Variants in ST18 observed in about 807,000 individuals in gnomAD.
The protein encoded by ST18 is ST18 C2H2C-type zinc finger transcription factor.
ST18 carries 50 observed loss-of-function variants against 110.0 expected under a neutral mutation model. That is an observed-to-expected ratio of 0.45 (90% CI 0.36 to 0.58). ST18 has a LOEUF of 0.58. Ranked by LOEUF, ST18 falls within the 20% of genes least tolerant of loss-of-function variation. ST18 has a pLI of 0.00. For synonymous variants in ST18, 461 were observed against 452.4 expected (o/e 1.02, Z -0.24); for missense variants, 1,306 against 1,280.1 (o/e 1.02, Z -0.31).
intron 2 of ST18, among the ~76,000 whole-genome samples, chr8:52,323,454 G>A (rs967218397): frequency 6.6e-6 from 1 of 152,072 alleles, no homozygotes; most frequent in African/African-American, 2.4e-5. Flanking sequence ...TTATTGTGGT[G>A]TCCAGCGTGC....
rs777126886 is a variant in ST18, at chr8:52,132,120, C to A, written c.2504G>T (p.Arg835Leu). The A allele has an allele frequency of 6.2e-7, 1 of 1,614,060 alleles. No individual in the cohort carries two copies. Among genetic ancestry groups the A allele is most frequent in the Non-Finnish European group, 8.5e-7 (1 of 1,180,034 alleles). The change falls in exon 22 of 26, where the codon CGC becomes CTC. Residue 835 changes from arginine (R) to leucine (L), a missense_variant. Transcript: ENST00000689386. Reference protein sequence around the residue: ...GHISGKYTSHRTASGCPLAAK... With the variant: ...GHISGKYTSHLTASGCPLAAK... The stretch of plus-strand genomic sequence containing the variant: ...AGCCAGAGGACAGCCAGAAGCTGTG[C>A]GGTGTGATGTGTATTTACCTGATAT...
chr8:52,243,782 C>G (rs1043078594), intron 2 of ST18, among the ~76,000 whole-genome samples: 1 of 152,116 alleles, frequency 6.6e-6, no homozygotes, highest in East Asian at 1.9e-4. Flanking sequence ...AATGTTGGTA[C>G]CACAAGTTCT....
At chr8:52,309,582 A>T (rs1375876741) in intron 2 of ST18, among the ~76,000 whole-genome samples, 5 of 147,082 alleles carry the variant, frequency 3.4e-5, no homozygotes, top group Non-Finnish European at 6.0e-5. Flanking sequence ...AAATATGAGT[A>T]TTTTTTTTTA....
At chr8:52,361,904 A>T (rs1281145193) in intron 2 of ST18, among the ~76,000 whole-genome samples, 1 of 150,884 alleles carries the variant, frequency 6.6e-6, no homozygotes, top group African/African-American at 2.4e-5. Context: ...TTCACACTTT[A>T]TTTTTTTTTC....
At position 52,221,914 on chromosome 8, in the gene ST18, A is replaced by C. The variant is rs996674433; in HGVS notation, c.-418-121T>G. 3.3e-5 allele frequency: 5 copies of C among 152,228 alleles called. No individual in the cohort carries two copies. In the South Asian group the frequency reaches 1.0e-3, roughly 32 times the overall value. The allele number at this position is 152,228 out of a possible 1,614,324, so 9.4% of individuals were successfully genotyped here. A position where few individuals can be genotyped will look rare whatever the true frequency, so the allele number is the denominator to read the frequency against. On this transcript the variant is annotated intron_variant, in intron 3 of 25. Transcript: ENST00000689386. ...AGTTTGCGTTTGATTGCAACTAAAA[A>C]AAAAAAAACGGCTTTCTCTCCAAAT...
At chr8:52,252,992 C>G (rs1438134296) in intron 2 of ST18, among the ~76,000 whole-genome samples, 1 of 150,662 alleles carries the variant, frequency 6.6e-6, no homozygotes, top group Admixed American at 6.6e-5. Context: ...CCTAACATAA[C>G]GATAGTGCAC....
chr8:52,207,714 G>C (rs909759384), intron 8 of ST18, among the ~76,000 whole-genome samples: 1 of 152,156 alleles, frequency 6.6e-6, no homozygotes, highest in African/African-American at 2.4e-5. Context: ...TGAACGGACA[G>C]AGAGATTTGA....
chr8:52,161,398 C>T lies in ST18; in HGVS notation c.1571G>A (p.Arg524Gln), dbSNP rs530224297. 6.2e-6 allele frequency: 10 copies of T among 1,613,288 alleles called. No homozygotes were observed. The East Asian group carries it at 6.7e-5, about 11-fold the overall frequency. ...ACATTCAGGAAATGGTGGTGTTTTT[C>T]GTCCTTGCACTGTTTGTATGAGAGG... ...KRPLIQTVQGRKTPPFPESKH... is the reference protein window; with the variant it reads ...KRPLIQTVQGQKTPPFPESKH... The change falls in exon 14 of 26, where the codon CGA (arginine) becomes CAA (glutamine). Residue 524 changes from arginine (R) to glutamine (Q), a missense_variant. By Grantham distance (43) the Arg-to-Gln change is conservative (BLOSUM62 1). Coordinates refer to ENST00000689386, the MANE Select transcript of ST18 (RefSeq NM_001352837.2).
intron 8 of ST18, among the ~76,000 whole-genome samples, chr8:52,194,022 A>G (rs2075396547): frequency 1.3e-5 from 2 of 151,836 alleles, no homozygotes; most frequent in African/African-American, 4.9e-5. Context: ...TGATAACGTC[A>G]GGTTTATAAA....
At chr8:52,369,400 G>A (rs1381288929) in intron 2 of ST18, among the ~76,000 whole-genome samples, 1 of 152,146 alleles carries the variant, frequency 6.6e-6, no homozygotes, top group Non-Finnish European at 1.5e-5. Flanking sequence ...TCTCCTTCCT[G>A]CTGACTGGAT....
At chr8:52,150,109 G>T in intron 15 of ST18, 132 bp from the exon 16 acceptor site, 2 of 1,265,958 alleles carry the variant, frequency 1.6e-6, no homozygotes, top group Non-Finnish European at 2.2e-6. Context: ...CTAGCTTTCT[G>T]ATTTGCGTTG....
chr8:52,386,354 T>C (rs545755764), intron 2 of ST18, among the ~76,000 whole-genome samples: 12 of 152,276 alleles, frequency 7.9e-5, no homozygotes, highest in African/African-American at 2.6e-4. Flanking sequence ...TATCAAAATA[T>C]TTAGCACTTT....
At chr8:52,119,084 G>A (rs770903356) in intron 23 of ST18, among the ~76,000 whole-genome samples, 1 of 152,132 alleles carries the variant, frequency 6.6e-6, no homozygotes, top group East Asian at 1.9e-4. Context: ...TAGGGGGAAG[G>A]ACATCAGCTT....
rs189630142 is a variant in ST18 at position 52,319,297 on chromosome 8, C to T, written c.-464-89220G>A. Reference sequence around the variant, plus strand: ...AAGCATTTCTCTGTGTATATATGTACATATTAATTAACCATGCCATTCAAA... The same window carrying T: ...AAGCATTTCTCTGTGTATATATGTATATATTAATTAACCATGCCATTCAAA... On this transcript the variant is annotated intron_variant, in intron 2 of 25. Transcript: ENST00000689386. Among the ~76,000 whole-genome samples, 914 of 152,130 alleles carry T rather than the reference C, an allele frequency of 6.0e-3. 7 individuals are homozygous for T. Among genetic ancestry groups the T allele is most frequent in the African/African-American group, 0.021 (866 of 41,500 alleles).
At chr8:52,175,835 C>T (rs902309843) in intron 9 of ST18, among the ~76,000 whole-genome samples, 3 of 152,118 alleles carry the variant, frequency 2.0e-5, no homozygotes, top group Non-Finnish European at 2.9e-5. Flanking sequence ...CCACTCCATG[C>T]TCTGCCCTCT....
At chr8:52,267,924 G>A (rs1253556001) in intron 2 of ST18, among the ~76,000 whole-genome samples, 1 of 152,118 alleles carries the variant, frequency 6.6e-6, no homozygotes, top group Non-Finnish European at 1.5e-5. Flanking sequence ...TTCATCTAGG[G>A]CAGACGTCTG....
rs1390219887 is a variant in ST18, at chr8:52,159,118, G to A, written c.1595-9C>T. On this transcript the variant is annotated splice_polypyrimidine_tract_variant and intron_variant, in intron 14 of 25. Coordinates refer to ENST00000689386, the MANE Select transcript of ST18 (RefSeq NM_001352837.2). Reference sequence around the variant, plus strand: ...ATTTGGAAAATGCTTTGCTGTTGAAGAGAGATTTGATTAGCAATTGCATGT... The same window carrying A: ...ATTTGGAAAATGCTTTGCTGTTGAAAAGAGATTTGATTAGCAATTGCATGT... 5.0e-6 allele frequency: 8 copies of A among 1,612,086 alleles called. No homozygotes were observed. The highest frequency in any genetic ancestry group is 6.8e-6 in the Non-Finnish European group (8 of 1,179,218).
chr8:52,313,749 T>A (rs896932826), intron 2 of ST18, among the ~76,000 whole-genome samples: 1 of 152,028 alleles, frequency 6.6e-6, no homozygotes, highest in African/African-American at 2.4e-5. Context: ...GCAGAGGCAA[T>A]GGCTGAGGCT....
intron 2 of ST18, among the ~76,000 whole-genome samples, chr8:52,308,924 C>G (rs2095856789): frequency 6.6e-6 from 1 of 152,200 alleles, no homozygotes; most frequent in Non-Finnish European, 1.5e-5. Context: ...TAGTGTTCGC[C>G]ATGGTACACA....
Sources: gnomAD v4.1 joint callset for allele counts (sites outside exome capture counted in the v4.1 genomes callset) on GRCh38, gnomAD v4.1.1 for gene constraint, MANE v1.5 for transcripts, NCBI Gene and HGNC (gene_info 2026-07-23, HGNC 2026-07-21) for gene names.